Variants in DDX18 observed in about 807,000 individuals in gnomAD.
The protein encoded by DDX18 is ATP-dependent RNA helicase DDX18.
In DDX18, 23 loss-of-function variants were observed where a neutral mutation model predicts 73.5. That is an observed-to-expected ratio of 0.31 (90% CI 0.23 to 0.44). The LOEUF is 0.44. Ranked by LOEUF, DDX18 falls within the 20% of genes least tolerant of loss-of-function variation. The pLI is 1.00. For missense variants in DDX18, 753 were observed against 792.9 expected (o/e 0.95, Z 0.60); for synonymous variants, 268 against 282.7 (o/e 0.95, Z 0.52).
In DDX18 at chr2:117,814,691, A is replaced by C. The variant is rs569718306; in HGVS notation, c.-87A>C. On this transcript the variant is annotated 5_prime_UTR_variant, in exon 1 of 14. Transcript: ENST00000263239. ...GCGTTTCCTGTTGGCCGAGCTGCGC[A>C]CGTGCGGCCGGAAGGGAAGTAACGT... 2.6e-3 allele frequency: 3,545 copies of C among 1,377,802 alleles called. 10 individuals carry two copies. The highest frequency in any genetic ancestry group is 3.1e-3 in the Non-Finnish European group (3,062 of 984,312). 85.3% of individuals were successfully genotyped at this position (1,377,802 alleles called of 1,614,324 possible).
intron 11 of DDX18, chr2:117,827,408 T>A (rs1441443066): frequency 1.3e-5 from 2 of 152,214 alleles, no homozygotes; most frequent in African/African-American, 4.8e-5. Context: ...TACATATGTA[T>A]TCATGTGCCA....
At position 117,830,793 on chromosome 2, in the gene DDX18, G is replaced by T. The variant is rs1297606560; in HGVS notation, c.*69G>T. ...AATTTTTTTTCCCCTTGATTTAACA[G>T]GATTTTTGTAGACTTTAGAATTTGG... On this transcript the variant is annotated 3_prime_UTR_variant, in exon 14 of 14. Coordinates refer to ENST00000263239, the MANE Select transcript of DDX18 (RefSeq NM_006773.4). 7.6e-6 allele frequency: 12 copies of T among 1,584,954 alleles called. No homozygotes were observed. Among genetic ancestry groups the T allele is most frequent in the East Asian group, 2.2e-5 (1 of 44,546 alleles).
chr2:117,822,336 C>G, intron 7 of DDX18, 75 bp downstream of exon 7: 1 of 1,191,878 alleles, frequency 8.4e-7, no homozygotes, highest in Non-Finnish European at 1.2e-6. Flanking sequence ...TATAGAAAAA[C>G]TGTACTAATG....
rs570976573 is a variant in DDX18 at position 117,821,180 on chromosome 2, G to C, written c.534G>C (p.Ser178=). 6 of 1,589,482 alleles carry C rather than the reference G, an allele frequency of 3.8e-6. No homozygotes were observed. Among genetic ancestry groups the C allele is most frequent in the Non-Finnish European group, 4.3e-6 (5 of 1,170,300 alleles). Residue 178 remains serine, a synonymous_variant, in exon 4 of 14, where the codon TCG becomes TCC. Transcript: ENST00000263239. ...GTTTAGGAGCTTTTGAGGATACTTC[G>C]TTTGCTTCTCTATGTAATCTTGTCA... ...LGLTGAFEDT[S]FASLCNLVNE... is the part of the protein sequence containing the mutation.
rs1287221317 is a variant in DDX18, at chr2:117,828,934, A to G, written c.1636-15A>G. 4.5e-6 allele frequency: 7 copies of G among 1,570,414 alleles called. No homozygotes were observed. The highest frequency in any genetic ancestry group is 6.1e-6 in the Non-Finnish European group (7 of 1,141,304). On this transcript the variant is annotated splice_polypyrimidine_tract_variant and intron_variant, in intron 11 of 13. Transcript: ENST00000263239. ...ATCATCCTGGTTTACTAATCTTAAT[A>G]CTTTTGATTTCTAGGTTCCATTAAG...
At position 117,815,024 on chromosome 2, in the gene DDX18, G is replaced by T. The variant is rs952608925; in HGVS notation, c.85+162G>T. ...GCAGCTTCCACTCGGGACCCGCGCTGCTGCCCACTCGTCGCGTGGCTCCAG... is the reference window on the plus strand; with the variant it reads ...GCAGCTTCCACTCGGGACCCGCGCTTCTGCCCACTCGTCGCGTGGCTCCAG... On this transcript the variant is annotated intron_variant, in intron 1 of 13. Transcript: ENST00000263239. The T allele has an allele frequency of 4.5e-6, 3 of 661,840 alleles. No individual in the cohort carries two copies. In the African/African-American group the frequency reaches 5.4e-5, roughly 12 times the overall value. The allele number at this position is 661,840 out of a possible 1,614,324, so 41.0% of individuals were successfully genotyped here.
intron 4 of DDX18, 60 bp from the exon 5 acceptor site, chr2:117,821,590 T>C: frequency 1.9e-6 from 3 of 1,567,390 alleles, no homozygotes; most frequent in South Asian, 2.2e-5. Flanking sequence ...GGTGTGTGTA[T>C]GTAGTACGTC....
intron 3 of DDX18, 139 bp downstream of exon 3, chr2:117,819,931 T>C (rs2104620889): frequency 4.0e-6 from 3 of 757,032 alleles, no homozygotes; most frequent in Non-Finnish European, 5.6e-6. Context: ...TTTATATCTT[T>C]CTGCTGCTTT....
intron 1 of DDX18, among the ~76,000 whole-genome samples, chr2:117,815,263 A>G (rs1235964521): frequency 1.3e-5 from 2 of 151,916 alleles, no homozygotes; most frequent in Non-Finnish European, 2.9e-5. Context: ...TTTCACATCT[A>G]TTTAATTCCC....
At chr2:117,823,937 T>C (rs1303564860) in intron 7 of DDX18, among the ~76,000 whole-genome samples, 1 of 152,238 alleles carries the variant, frequency 6.6e-6, no homozygotes, top group African/African-American at 2.4e-5. Flanking sequence ...GTGAATTGTA[T>C]TGGTTGATTT....
In DDX18 at chr2:117,821,162, A is replaced by G. The variant is rs373013085; in HGVS notation, c.516A>G (p.Gly172=). The stretch of plus-strand genomic sequence containing the variant: ...AATGATAAATTGTCTTCTGTTTAGG[A>G]GCTTTTGAGGATACTTCGTTTGCTT... ...EVPSLPLGLT[G]AFEDTSFASL... The change falls in exon 4 of 14, where the codon GGA becomes GGG. Residue 172 remains glycine (G), a splice_region_variant and synonymous_variant. Transcript: ENST00000263239. 55 of 1,569,958 alleles carry G rather than the reference A, an allele frequency of 3.5e-5. No individual in the cohort carries two copies. Among genetic ancestry groups the G allele is most frequent in the Non-Finnish European group, 4.2e-5 (49 of 1,162,170 alleles).
Position 117,832,041 on chromosome 2 carries a change from G to A in DDX18, c.*1317G>A, listed in dbSNP as rs112513131. The A allele has an allele frequency of 1.5e-3, 224 of 152,446 alleles. 1 individual carries two copies. The highest frequency in any genetic ancestry group is 5.1e-3 in the African/African-American group (214 of 41,578). The allele number at this position is 152,446 out of a possible 1,614,324, so 9.4% of individuals were successfully genotyped here. On this transcript the variant is annotated 3_prime_UTR_variant, in exon 14 of 14. Coordinates refer to ENST00000263239, the MANE Select transcript of DDX18 (RefSeq NM_006773.4). ...GGGCTTGGCCACCATCACCCTGGTC[G>A]GACCTGTCCTGGACTTCCAACCTTG...
chr2:117,815,308 C>T (rs917495745), intron 1 of DDX18, among the ~76,000 whole-genome samples: 22 of 152,340 alleles, frequency 1.4e-4, no homozygotes, highest in African/African-American at 5.1e-4. Context: ...CTGGCTGTTT[C>T]CACAGAGCTT....
chr2:117,829,215 A>T, intron 12 of DDX18, 74 bp from the exon 13 acceptor site: 1 of 1,470,326 alleles, frequency 6.8e-7, no homozygotes, highest in Non-Finnish European at 9.2e-7. Flanking sequence ...TTGCTCTAGG[A>T]TATTTAAAAT....
chr2:117,830,534 T>G lies in DDX18; in HGVS notation c.1871-48T>G, dbSNP rs1558735678. On this transcript the variant is annotated intron_variant, in intron 13 of 13. Transcript: ENST00000263239. The stretch of plus-strand genomic sequence containing the variant: ...TTTTTTCTCTGTGTAGATGTTAGAT[T>G]GGAGTTCATTATCTTTTTTGCTTGA... The G allele has an allele frequency of 3.8e-6, 6 of 1,595,278 alleles. No individual in the cohort carries two copies. The Admixed American group carries it at 5.3e-5, about 14-fold the overall frequency.
chr2:117,817,874 A>G (rs941724134), intron 2 of DDX18, 146 bp downstream of exon 2: 37 of 771,852 alleles, frequency 4.8e-5, no homozygotes, highest in Non-Finnish European at 2.3e-5. Context: ...GCTAATGGAA[A>G]CATTTTATTG....
rs1680012895 is a variant in DDX18, at chr2:117,830,894, AT to A, written c.*173del. On this transcript the variant is annotated 3_prime_UTR_variant, in exon 14 of 14. Coordinates refer to ENST00000263239, the MANE Select transcript of DDX18 (RefSeq NM_006773.4). Reference sequence around the variant, plus strand: ...GTTACTTCTATCACGTCTCTCTTTTATTTCTGGGATATAAAACAGGCTTTAA... The same window carrying A: ...GTTACTTCTATCACGTCTCTCTTTTATTCTGGGATATAAAACAGGCTTTAA... The A allele has an allele frequency of 2.8e-6, 2 of 708,942 alleles. No homozygotes were observed. The highest frequency in any genetic ancestry group is 6.1e-5 in the East Asian group (2 of 32,522). 43.9% of individuals were successfully genotyped at this position (708,942 alleles called of 1,614,324 possible).
Position 117,825,427 on chromosome 2 carries a change from A to C in DDX18, c.1369-20A>C. 2 of 1,604,748 alleles carry C rather than the reference A, an allele frequency of 1.2e-6. No individual in the cohort carries two copies. Among genetic ancestry groups the C allele is most frequent in the African/African-American group, 2.7e-5 (2 of 74,822 alleles). The stretch of plus-strand genomic sequence containing the variant: ...TTCCTCAAGATTCCAGCTCTAATGG[A>C]TGTTTTTATTTAATTCTAGGGAAAG... On this transcript the variant is annotated intron_variant, in intron 9 of 13. Transcript: ENST00000263239.
rs1453709063 is a variant in DDX18, at chr2:117,831,916, A to G, written c.*1192A>G. The G allele has an allele frequency of 1.3e-5, 2 of 152,240 alleles. No homozygotes were observed. The highest frequency in any genetic ancestry group is 3.8e-4 in the East Asian group (2 of 5,208). The allele number at this position is 152,240 out of a possible 1,614,324, so 9.4% of individuals were successfully genotyped here. Reference sequence around the variant, plus strand: ...GCATCATTTTGCTGTTGTGCCAGTTAATCATAGGATCCCATTAAATAAGTG... The same window carrying G: ...GCATCATTTTGCTGTTGTGCCAGTTGATCATAGGATCCCATTAAATAAGTG... On this transcript the variant is annotated 3_prime_UTR_variant, in exon 14 of 14. Coordinates refer to ENST00000263239, the MANE Select transcript of DDX18 (RefSeq NM_006773.4).
Sources: gnomAD v4.1 joint callset for allele counts (sites outside exome capture counted in the v4.1 genomes callset) on GRCh38, gnomAD v4.1.1 for gene constraint, MANE v1.5 for transcripts, NCBI Gene and HGNC (gene_info 2026-07-23, HGNC 2026-07-21) for gene names.